The following ZNF224 variants were observed in gnomAD, a reference collection of about 807,000 sequenced individuals.
ZNF224 encodes the protein bone marrow zinc finger 2.
ZNF224 carries 8 observed loss-of-function variants against 10.5 expected under a neutral mutation model. That is an observed-to-expected ratio of 0.76 (90% CI 0.45 to 1.37). The LOEUF (loss-of-function observed/expected upper bound fraction) is 1.37, where lower values mean the gene tolerates loss of function less well. ZNF224 is among the 40% of genes most tolerant of loss of function. The pLI, the probability that ZNF224 is intolerant of heterozygous loss-of-function variation, is 0.00. For synonymous variants in ZNF224, 282 were observed against 287.8 expected (o/e 0.98, Z 0.20); for missense variants, 754 against 854.0 (o/e 0.88, Z 1.46).
chr19:44,099,944 T>A (rs1406019507), intron 3 of ZNF224, among the ~76,000 whole-genome samples: 2 of 152,202 alleles, frequency 1.3e-5, no homozygotes, highest in Non-Finnish European at 2.9e-5. Flanking sequence ...ATTGGATTGG[T>A]AATCATGGAA....
Position 44,109,585 on chromosome 19 carries a change from T to C in ZNF224, c.*1301T>C, listed in dbSNP as rs1289134184. 1 of 152,170 alleles carries C rather than the reference T, an allele frequency of 6.6e-6. No individual in the cohort carries two copies. The highest frequency in any genetic ancestry group is 1.5e-5 in the Non-Finnish European group (1 of 68,040). 9.4% of individuals were successfully genotyped at this position (152,170 alleles called of 1,614,324 possible). A position where few individuals can be genotyped will look rare whatever the true frequency, so the allele number is the denominator to read the frequency against. On this transcript the variant is annotated 3_prime_UTR_variant, in exon 6 of 6. Coordinates refer to ENST00000693561, the MANE Select transcript of ZNF224 (RefSeq NM_001321645.3). Reference sequence around the variant, plus strand: ...ACTGTTTGATATGAAAACCATAGGATAGGAAACTATGCCTATGACACTAAA... The same window carrying C: ...ACTGTTTGATATGAAAACCATAGGACAGGAAACTATGCCTATGACACTAAA...
rs10401658 is a variant in ZNF224, at chr19:44,097,764, C to G, written c.-68-42C>G. The G allele has an allele frequency of 5.7e-3, 7,385 of 1,300,678 alleles. 250 individuals are homozygous for G. In the African/African-American group the frequency reaches 0.083, roughly 15 times the overall value. 80.6% of individuals were successfully genotyped at this position (1,300,678 alleles called of 1,614,324 possible). A position where few individuals can be genotyped will look rare whatever the true frequency, so the allele number is the denominator to read the frequency against. Reference sequence around the variant, plus strand: ...TGTTGGTGGGTGGCATCCCTGGCCACCTTTTCATGTCTCTTTTTCTGCCTT... The same window carrying G: ...TGTTGGTGGGTGGCATCCCTGGCCAGCTTTTCATGTCTCTTTTTCTGCCTT... On this transcript the variant is annotated intron_variant, in intron 2 of 5. Coordinates refer to ENST00000693561, the MANE Select transcript of ZNF224 (RefSeq NM_001321645.3).
intron 2 of ZNF224, chr19:44,096,981 T>C (rs78558489): frequency 0.022 from 3,497 of 162,086 alleles, 153 homozygotes; most frequent in African/African-American, 0.081. Flanking sequence ...GTCCTTTTCA[T>C]TGCAACATAA....
At chr19:44,099,229 C>T (rs1333998977) in intron 3 of ZNF224, among the ~76,000 whole-genome samples, 2 of 152,116 alleles carry the variant, frequency 1.3e-5, no homozygotes, top group Non-Finnish European at 2.9e-5. Flanking sequence ...CTCTTCCTGT[C>T]GTAGTACCTC....
rs1967759377 is a variant in ZNF224, at chr19:44,108,689, CAT to C, written c.*406_*407del. On this transcript the variant is annotated 3_prime_UTR_variant, in exon 6 of 6. Coordinates refer to ENST00000693561, the MANE Select transcript of ZNF224 (RefSeq NM_001321645.3). The stretch of plus-strand genomic sequence containing the variant: ...TTGATGTCCACTAGAATGTAAACTA[CAT>C]GTGTCTTTGCTGCTAAGTCGTCACA... 1.9e-6 allele frequency: 1 copy of C among 520,996 alleles called. No homozygotes were observed. Among genetic ancestry groups the C allele is most frequent in the Non-Finnish European group, 3.8e-6 (1 of 261,396 alleles). The allele number at this position is 520,996 out of a possible 1,614,324, so 32.3% of individuals were successfully genotyped here.
At chr19:44,094,968 C>G (rs555582918) in intron 1 of ZNF224, 2 of 155,562 alleles carry the variant, frequency 1.3e-5, no homozygotes, top group East Asian at 3.8e-4. Flanking sequence ...GCTGGATGAT[C>G]CCGGAAGCCT....
rs746145201 is a variant in ZNF224, at chr19:44,107,433, G to A, written c.1273G>A (p.Glu425Lys). The change falls in exon 6 of 6, where the codon GAA (glutamate) becomes AAA (lysine). Residue 425 changes from glutamate to lysine, a missense_variant. Glu to Lys is a moderately conservative substitution (Grantham distance 56). Coordinates refer to ENST00000693561, the MANE Select transcript of ZNF224 (RefSeq NM_001321645.3). ...TTCCCACCAGAGATCCCATAGTGGA[G>A]AAAAACCATACAAATGTGTGGAGTG... is the stretch of plus-strand genomic sequence containing the variant. ...CYSHQRSHSG[E>K]KPYKCVECGK... 1.2e-6 allele frequency: 2 copies of A among 1,608,108 alleles called. No homozygotes were observed. Among genetic ancestry groups the A allele is most frequent in the South Asian group, 2.2e-5 (2 of 89,934 alleles).
chr19:44,108,130 G>C lies in ZNF224; in HGVS notation c.1970G>C (p.Cys657Ser). 1.2e-6 allele frequency: 2 copies of C among 1,614,244 alleles called. No homozygotes were observed. The highest frequency in any genetic ancestry group is 1.7e-6 in the Non-Finnish European group (2 of 1,180,050). Residue 657 changes from cysteine to serine, a missense_variant, in exon 6 of 6, where the codon TGT (cysteine) becomes TCT (serine). Transcript: ENST00000693561. ...SVEKPYKCED[C>S]GKGYNRRLNL... Reference sequence around the variant, plus strand: ...GAAAAGCCATACAAATGTGAGGACTGTGGGAAGGGCTACAACAGGCGCTTG... The same window carrying C: ...GAAAAGCCATACAAATGTGAGGACTCTGGGAAGGGCTACAACAGGCGCTTG...
At position 44,100,671 on chromosome 19, in the gene ZNF224, T is replaced by C. The variant is rs1599661625; in HGVS notation, c.16-130T>C. The C allele has an allele frequency of 5.1e-6, 6 of 1,170,668 alleles. No homozygotes were observed. In the East Asian group the frequency reaches 1.2e-4, roughly 24 times the overall value. The allele number at this position is 1,170,668 out of a possible 1,614,324, so 72.5% of individuals were successfully genotyped here. A position where few individuals can be genotyped will look rare whatever the true frequency, so the allele number is the denominator to read the frequency against. On this transcript the variant is annotated intron_variant, in intron 3 of 5. Coordinates refer to ENST00000693561, the MANE Select transcript of ZNF224 (RefSeq NM_001321645.3). The stretch of plus-strand genomic sequence containing the variant: ...GGATACAGACAGAATGAGTAGGAAA[T>C]CTACGAGTTGACCTATGTCTCTCAA...
At position 44,101,172 on chromosome 19, in the gene ZNF224, G is replaced by A. The variant is rs368658685; in HGVS notation, c.182G>A (p.Arg61Lys). Residue 61 changes from arginine to lysine, a missense_variant, in exon 5 of 6, where the codon AGG becomes AAG. Coordinates refer to ENST00000693561, the MANE Select transcript of ZNF224 (RefSeq NM_001321645.3). The stretch of plus-strand genomic sequence containing the variant: ...CACAGGGATACTTTCCACTTCCTAA[G>A]GGAAGAAAAGATTTGGATGATGAAG... The part of the protein sequence containing the change: ...AFHRDTFHFL[R>K]EEKIWMMKTA... 1.9e-5 allele frequency: 30 copies of A among 1,614,034 alleles called. No homozygotes were observed. In the African/African-American group the frequency reaches 3.5e-4, roughly 19 times the overall value.
chr19:44,095,998 G>A (rs553772278), intron 1 of ZNF224: 1 of 151,060 alleles, frequency 6.6e-6, no homozygotes, highest in South Asian at 2.1e-4. Flanking sequence ...TGTTAAGCTC[G>A]TAATGTGTTT....
At chr19:44,105,709 C>T (rs1464325658) in intron 5 of ZNF224, 1 of 152,530 alleles carries the variant, frequency 6.6e-6, no homozygotes, top group Non-Finnish European at 1.5e-5. Context: ...TCCATTATAT[C>T]ACTCTGTATG....
chr19:44,108,159 C>T lies in ZNF224; in HGVS notation c.1999C>T (p.Leu667Phe). The T allele has an allele frequency of 1.2e-6, 2 of 1,614,218 alleles. No homozygotes were observed. The highest frequency in any genetic ancestry group is 1.7e-6 in the Non-Finnish European group (2 of 1,180,038). The change falls in exon 6 of 6, where the codon CTT (leucine) becomes TTT (phenylalanine). Residue 667 changes from leucine to phenylalanine, a missense_variant. Leu to Phe is a conservative substitution (Grantham distance 22). Transcript: ENST00000693561. ...CGKGYNRRLN[L>F]DMHQRVHMGE... ...GAAGGGCTACAACAGGCGCTTGAAT[C>T]TTGATATGCATCAGAGGGTCCACAT...
intron 2 of ZNF224, among the ~76,000 whole-genome samples, 173 bp downstream of exon 2, chr19:44,096,604 T>A (rs1204453380): frequency 2.0e-5 from 3 of 152,218 alleles, no homozygotes; most frequent in Non-Finnish European, 4.4e-5. Context: ...TTACCTAACT[T>A]CATGTTATGT....
chr19:44,108,017 C>T lies in ZNF224; in HGVS notation c.1857C>T (p.Ser619=). ...GTCTGACCCATCAGAGACGCCACAGCAGAGAAACACCTCTCAAATGTGAGC... is the reference window on the plus strand; with the variant it reads ...GTCTGACCCATCAGAGACGCCACAGTAGAGAAACACCTCTCAAATGTGAGC... The part of the protein sequence containing the change: ...STRLTHQRRH[S]RETPLKCEQH... The change falls in exon 6 of 6, where the codon AGC becomes AGT. Residue 619 remains serine, a synonymous_variant. Transcript: ENST00000693561. The T allele has an allele frequency of 6.2e-7, 1 of 1,614,170 alleles. No individual in the cohort carries two copies. Among genetic ancestry groups the T allele is most frequent in the East Asian group, 2.2e-5 (1 of 44,874 alleles).
In ZNF224 at chr19:44,106,562, T is replaced by G. The variant is rs1435626615; in HGVS notation, c.402T>G (p.Thr134=). Residue 134 remains threonine (T), a synonymous_variant, in exon 6 of 6, where the codon ACT becomes ACG. Transcript: ENST00000693561. ...AAGAAGGTGATTTCCCCTGCCAGAC[T>G]GAGGCAGGACTATCTGTAATTCACA... ...FSKEGDFPCQ[T]EAGLSVIHTR... is the part of the protein sequence containing the mutation. 1 of 1,614,038 alleles carries G rather than the reference T, an allele frequency of 6.2e-7. No individual in the cohort carries two copies. Among genetic ancestry groups the G allele is most frequent in the Non-Finnish European group, 8.5e-7 (1 of 1,179,918 alleles).
chr19:44,106,336 C>T (rs902738969), intron 5 of ZNF224, 60 bp from the exon 6 acceptor site: 5 of 1,573,444 alleles, frequency 3.2e-6, no homozygotes, highest in Non-Finnish European at 4.4e-6. Flanking sequence ...TAAGTGAAAT[C>T]TTGATAACAC....
chr19:44,097,987 G>C, intron 3 of ZNF224, 99 bp downstream of exon 3: 2 of 1,324,910 alleles, frequency 1.5e-6, no homozygotes, highest in Non-Finnish European at 2.1e-6. Flanking sequence ...GAGAAAAACA[G>C]ACATTTGAGG....
rs750326152 is a variant in ZNF224 at position 44,108,010 on chromosome 19, G to A, written c.1850G>A (p.Arg617His). The change falls in exon 6 of 6, where the codon CGC becomes CAC. Residue 617 changes from arginine to histidine, a missense_variant. Transcript: ENST00000693561. Reference sequence around the variant, plus strand: ...TCAACTCGTCTGACCCATCAGAGACGCCACAGCAGAGAAACACCTCTCAAA... The same window carrying A: ...TCAACTCGTCTGACCCATCAGAGACACCACAGCAGAGAAACACCTCTCAAA... ...WSSTRLTHQRRHSRETPLKCE... is the reference protein window; with the variant it reads ...WSSTRLTHQRHHSRETPLKCE... The A allele has an allele frequency of 1.4e-5, 23 of 1,614,132 alleles. No homozygotes were observed. Among genetic ancestry groups the A allele is most frequent in the Admixed American group, 3.3e-5 (2 of 60,018 alleles).
Sources: allele counts gnomAD v4.1 joint callset (sites outside exome capture counted in the v4.1 genomes callset), GRCh38; gene constraint gnomAD v4.1.1; transcripts MANE v1.5; gene names NCBI Gene and HGNC (gene_info 2026-07-23, HGNC 2026-07-21).